Variants in ZFP3 observed in about 807,000 individuals in gnomAD.
The protein encoded by ZFP3 is ZFP3 zinc finger protein, also known as zinc finger protein 3 homolog.
In ZFP3, 18 loss-of-function variants were observed where a neutral mutation model predicts 36.7. The ratio of observed to expected loss-of-function variants is 0.49; its 90% CI spans 0.34 to 0.73. The LOEUF (loss-of-function observed/expected upper bound fraction) is 0.73. Among genes scored for constraint, ZFP3 ranks in the 30% least tolerant of loss-of-function variants. The pLI is 0.01. For missense variants in ZFP3, 495 were observed against 599.0 expected (o/e 0.83, Z 1.81); for synonymous variants, 218 against 199.0 (o/e 1.10, Z -0.81).
rs111385927 is a variant in ZFP3, at chr17:5,094,689, A to C, written c.*1676A>C. On this transcript the variant is annotated 3_prime_UTR_variant, in exon 2 of 2. Transcript: ENST00000318833. ...TCTTTAACCTCATCTTTGTTACACT[A>C]ATATTAGTCACTAATATTTATTGAG... 10 of 167,102 alleles carry C rather than the reference A, an allele frequency of 6.0e-5. No individual in the cohort carries two copies. The highest frequency in any genetic ancestry group is 2.4e-4 in the African/African-American group (10 of 41,452). 10.4% of individuals were successfully genotyped at this position (167,102 alleles called of 1,614,324 possible).
intron 1 of ZFP3, among the ~76,000 whole-genome samples, chr17:5,079,673 T>C (rs1397402893): frequency 6.6e-6 from 1 of 152,174 alleles, no homozygotes; most frequent in Non-Finnish European, 1.5e-5. Context: ...GAAAAATTAA[T>C]AATGCAGTGG....
At chr17:5,089,269 C>CT (rs1407689958) in intron 1 of ZFP3, among the ~76,000 whole-genome samples, 4 of 152,308 alleles carry the variant, frequency 2.6e-5, no homozygotes, top group Admixed American at 6.5e-5. Context: ...TCCCAGGTTC[C>CT]TTCCAGCTGT....
intron 1 of ZFP3, among the ~76,000 whole-genome samples, chr17:5,081,414 G>C (rs1311815111): frequency 6.6e-6 from 1 of 151,982 alleles, no homozygotes; most frequent in African/African-American, 2.4e-5. Context: ...ATGTGGAGGG[G>C]GTACACAGAC....
chr17:5,086,857 A>T (rs1162710588), intron 1 of ZFP3, among the ~76,000 whole-genome samples: 1 of 150,026 alleles, frequency 6.7e-6, no homozygotes, highest in Non-Finnish European at 1.5e-5. Context: ...CTTCCCGAGT[A>T]GCTGGGACTA....
intron 1 of ZFP3, among the ~76,000 whole-genome samples, chr17:5,080,008 C>A (rs181989763): frequency 6.6e-6 from 1 of 151,936 alleles, no homozygotes; most frequent in Admixed American, 6.6e-5. Flanking sequence ...CATTGCACTC[C>A]AGCCTGGGAG....
chr17:5,083,523 G>A (rs1457406890), intron 1 of ZFP3, among the ~76,000 whole-genome samples: 3 of 144,472 alleles, frequency 2.1e-5, no homozygotes, highest in Non-Finnish European at 3.0e-5. Flanking sequence ...TCCAGCTGGG[G>A]AACAAGAGTG....
At chr17:5,082,454 A>G (rs963893368) in intron 1 of ZFP3, among the ~76,000 whole-genome samples, 2 of 152,236 alleles carry the variant, frequency 1.3e-5, no homozygotes, top group East Asian at 3.8e-4. Flanking sequence ...CGTGCCATAC[A>G]GAGACAATTT....
Position 5,094,859 on chromosome 17 carries a change from G to C in ZFP3, c.*1846G>C, listed in dbSNP as rs571594813. 1.2e-5 allele frequency: 2 copies of C among 167,100 alleles called. No homozygotes were observed. The highest frequency in any genetic ancestry group is 4.1e-4 in the South Asian group (2 of 4,822). 10.4% of individuals were successfully genotyped at this position (167,100 alleles called of 1,614,324 possible). ...ACCTGTTTTAAGTGTTCAGTTGAAT[G>C]ATTTTTAATTTACATAGTGGTGCAA... On this transcript the variant is annotated 3_prime_UTR_variant, in exon 2 of 2. Coordinates refer to ENST00000318833, the MANE Select transcript of ZFP3 (RefSeq NM_153018.3).
At chr17:5,089,904 C>A (rs2072141176) in intron 1 of ZFP3, among the ~76,000 whole-genome samples, 1 of 152,108 alleles carries the variant, frequency 6.6e-6, no homozygotes, top group Admixed American at 6.6e-5. Context: ...GCCATCTTCC[C>A]ACCTCTGCCT....
chr17:5,082,304 G>A lies in ZFP3; in HGVS notation c.-9+3729G>A, dbSNP rs190681163. On this transcript the variant is annotated intron_variant, in intron 1 of 1. Coordinates refer to ENST00000318833, the MANE Select transcript of ZFP3 (RefSeq NM_153018.3). Reference sequence around the variant, plus strand: ...AGAGGTTGCAGTGAGCCAAGATCACGCCACTGCACTCCAGCCTGGGCGACA... The same window carrying A: ...AGAGGTTGCAGTGAGCCAAGATCACACCACTGCACTCCAGCCTGGGCGACA... Among the ~76,000 whole-genome samples, 1,203 of 151,836 alleles carry A rather than the reference G, an allele frequency of 7.9e-3. 11 individuals are homozygous for A. Among genetic ancestry groups the A allele is most frequent in the African/African-American group, 0.027 (1,127 of 41,462 alleles).
In ZFP3 at chr17:5,092,623, C is replaced by G; in HGVS notation, c.1119C>G (p.Ala373=). 6.2e-7 allele frequency: 1 copy of G among 1,613,996 alleles called. No homozygotes were observed. Among genetic ancestry groups the G allele is most frequent in the Non-Finnish European group, 8.5e-7 (1 of 1,179,990 alleles). ...KPYVCKECGK[A]FRGNSELLRH... ...ATGTATGTAAGGAATGTGGGAAGGC[C>G]TTCAGGGGGAACTCAGAACTTCTTA... Residue 373 remains alanine, a synonymous_variant, in exon 2 of 2, where the codon GCC becomes GCG. Coordinates refer to ENST00000318833, the MANE Select transcript of ZFP3 (RefSeq NM_153018.3). This position sits in a 1 kb window ranked among gnomAD's most constrained non-coding sequence, Gnocchi z 5.0.
In ZFP3 at chr17:5,078,843, T is replaced by C. The variant is rs1311574582; in HGVS notation, c.-9+268T>C. On this transcript the variant is annotated intron_variant, in intron 1 of 1. Coordinates refer to ENST00000318833, the MANE Select transcript of ZFP3 (RefSeq NM_153018.3). This position sits in a 1 kb window ranked among gnomAD's most constrained non-coding sequence, Gnocchi z 4.5. ...GTGGGGGTGGGAGAAGCAGGGACAC[T>C]CCCTTCTGTACCGAGGTGGGGACCC... Among the ~76,000 whole-genome samples, 1 of 152,130 alleles carries C rather than the reference T, an allele frequency of 6.6e-6. No homozygotes were observed. Among genetic ancestry groups the C allele is most frequent in the African/African-American group, 2.4e-5 (1 of 41,436 alleles).
At chr17:5,085,132 T>C (rs1221510088) in intron 1 of ZFP3, among the ~76,000 whole-genome samples, 1 of 152,010 alleles carries the variant, frequency 6.6e-6, no homozygotes, top group Admixed American at 6.6e-5. Context: ...TTGTGCCTCC[T>C]GGGCTCAAGC....
chr17:5,088,067 T>C (rs1307782686), intron 1 of ZFP3, among the ~76,000 whole-genome samples: 1 of 152,200 alleles, frequency 6.6e-6, no homozygotes, highest in African/African-American at 2.4e-5. Context: ...TTCAAGTCTG[T>C]ATCTCTAGTC....
intron 1 of ZFP3, among the ~76,000 whole-genome samples, chr17:5,084,451 A>G (rs2072110570): frequency 2.7e-5 from 3 of 112,538 alleles, no homozygotes; most frequent in Admixed American, 1.9e-4. Flanking sequence ...AATTTTTTGT[A>G]TTTTTAGTAG....
chr17:5,091,228 G>A lies in ZFP3; in HGVS notation c.-8-269G>A, dbSNP rs140398891. ...CTCTTTGGCAGCATCTTGTCATTTC[G>A]CCAGATATCAAGACTGTTTCTGTTT... On this transcript the variant is annotated intron_variant, in intron 1 of 1. Transcript: ENST00000318833. Among the ~76,000 whole-genome samples, 316 of 151,950 alleles carry A rather than the reference G, an allele frequency of 2.1e-3. 2 individuals are homozygous for A. Among genetic ancestry groups the A allele is most frequent in the Non-Finnish European group, 3.7e-3 (252 of 67,974 alleles).
chr17:5,080,739 A>G (rs1219653053), intron 1 of ZFP3, among the ~76,000 whole-genome samples: 1 of 151,678 alleles, frequency 6.6e-6, no homozygotes, highest in Admixed American at 6.6e-5. Flanking sequence ...GCCCCCCTTC[A>G]TTTCCATCCG....
rs1597905338 is a variant in ZFP3, at chr17:5,087,414, T to C, written c.-8-4083T>C. 2.6e-5 allele frequency among the ~76,000 whole-genome samples: 4 copies of C among 152,196 alleles called. No individual in the cohort carries two copies. The South Asian group carries it at 8.3e-4, about 31-fold the overall frequency. On this transcript the variant is annotated intron_variant, in intron 1 of 1. Transcript: ENST00000318833. ...TTTTTAAATTCCCTCTGCCAATGCC[T>C]AAGTGACTTCTGTGACACATTATTC...
In ZFP3 at chr17:5,093,840, G is replaced by A. The variant is rs985237896; in HGVS notation, c.*827G>A. 1.8e-5 allele frequency: 3 copies of A among 167,092 alleles called. No homozygotes were observed. The highest frequency in any genetic ancestry group is 4.4e-5 in the Non-Finnish European group (3 of 68,130). 10.4% of individuals were successfully genotyped at this position (167,092 alleles called of 1,614,324 possible). Reference sequence around the variant, plus strand: ...GAAGGCCTTAGAATCCAGAGGGGCCGATTAGGCAACACCAGGGGATAAACA... The same window carrying A: ...GAAGGCCTTAGAATCCAGAGGGGCCAATTAGGCAACACCAGGGGATAAACA... On this transcript the variant is annotated 3_prime_UTR_variant, in exon 2 of 2. Coordinates refer to ENST00000318833, the MANE Select transcript of ZFP3 (RefSeq NM_153018.3).
Sources: allele counts gnomAD v4.1 joint callset (sites outside exome capture counted in the v4.1 genomes callset), GRCh38; gene constraint gnomAD v4.1.1; non-coding constraint Gnocchi (gnomAD v3.1); transcripts MANE v1.5; gene names NCBI Gene and HGNC (gene_info 2026-07-23, HGNC 2026-07-21).